ANK1: variants seen among roughly 807,000 people sequenced by gnomAD.
ANK1 encodes the protein ankyrin-1.
In ANK1, 51 loss-of-function variants were observed where a neutral mutation model predicts 210.4. The ratio of observed to expected loss-of-function variants is 0.24; its 90% CI spans 0.19 to 0.31. ANK1 has a LOEUF of 0.31. Among genes scored for constraint, ANK1 ranks in the 10% least tolerant of loss-of-function variants. The pLI is 1.00. For synonymous variants in ANK1, 967 were observed against 1,025.9 expected (o/e 0.94, Z 1.10); for missense variants, 2,051 against 2,504.4 (o/e 0.82, Z 3.86).
intron 16 of ANK1, among the ~76,000 whole-genome samples, chr8:41,712,017 C>A (rs760907078): frequency 5.9e-5 from 9 of 152,034 alleles, no homozygotes; most frequent in African/African-American, 1.9e-4. Flanking sequence ...CTCTGCCTCC[C>A]GGGTTCAAGC....
At chr8:41,833,377 G>C (rs1230776112) in intron 1 of ANK1, among the ~76,000 whole-genome samples, 1 of 152,216 alleles carries the variant, frequency 6.6e-6, no homozygotes, top group African/African-American at 2.4e-5. Flanking sequence ...GTGCAATGTA[G>C]GGAAGGGGGT....
intron 1 of ANK1, among the ~76,000 whole-genome samples, chr8:41,808,784 ACAGTT>A (rs1851355402): frequency 6.6e-6 from 1 of 152,154 alleles, no homozygotes; most frequent in Non-Finnish European, 1.5e-5. Context: ...TTTAAACGTT[ACAGTT>A]AAGATTTTGT....
At chr8:41,865,173 C>T (rs898647006) in intron 1 of ANK1, among the ~76,000 whole-genome samples, 1 of 152,164 alleles carries the variant, frequency 6.6e-6, no homozygotes, top group Non-Finnish European at 1.5e-5. Context: ...ACTGACTCAC[C>T]CATCTCGCGA....
At chr8:41,789,652 A>G (rs1847203775) in intron 1 of ANK1, among the ~76,000 whole-genome samples, 1 of 152,182 alleles carries the variant, frequency 6.6e-6, no homozygotes, top group Non-Finnish European at 1.5e-5. Flanking sequence ...TCTAAATAAC[A>G]GTTTCAGCAC....
At position 41,796,329 on chromosome 8, in the gene ANK1, T is replaced by C. The variant is rs542724559; in HGVS notation, c.27+1183A>G. On this transcript the variant is annotated intron_variant, in intron 1 of 42. Coordinates refer to ENST00000289734, the MANE Select transcript of ANK1 (RefSeq NM_000037.4). The stretch of plus-strand genomic sequence containing the variant: ...CCTTATTCCTGCAAAACACTTGCGT[T>C]TGAGTCTGAAGACAGTTCACACATT... 2.0e-3 allele frequency among the ~76,000 whole-genome samples: 300 copies of C among 152,218 alleles called. 1 individual carries two copies. The highest frequency in any genetic ancestry group is 4.1e-3 in the Non-Finnish European group (282 of 68,020).
chr8:41,830,654 A>C (rs1243801786), intron 1 of ANK1, among the ~76,000 whole-genome samples: 1 of 152,194 alleles, frequency 6.6e-6, no homozygotes, highest in African/African-American at 2.4e-5. Context: ...GCTTTCGGGG[A>C]TAGGACCCAA....
chr8:41,863,314 G>A lies in ANK1; in HGVS notation c.126+33041C>T, dbSNP rs760645250. ...GCAGAGTTTGCAGTGAGCCGAGATC[G>A]CACCACTGCACTCTAGCCTGGGCAA... On this transcript the variant is annotated intron_variant, in intron 1 of 42. Coordinates refer to the ANK1 transcript ENST00000265709. Among the ~76,000 whole-genome samples the A allele has an allele frequency of 6.3e-4, 96 of 151,914 alleles. 1 individual carries two copies. Among genetic ancestry groups the A allele is most frequent in the Non-Finnish European group, 7.8e-4 (53 of 67,978 alleles).
intron 3 of ANK1, among the ~76,000 whole-genome samples, chr8:41,731,586 T>C (rs1350155845): frequency 6.6e-6 from 1 of 152,134 alleles, no homozygotes; most frequent in African/African-American, 2.4e-5. Flanking sequence ...TCTTCTTTTT[T>C]TTTTTTCATC....
intron 37 of ANK1, among the ~76,000 whole-genome samples, chr8:41,684,126 C>A (rs541559638): frequency 9.8e-5 from 15 of 152,338 alleles, no homozygotes; most frequent in South Asian, 6.2e-4. Flanking sequence ...CAACCACTGA[C>A]TGTTTTACAG....
At chr8:41,775,347 C>A (rs1843791993) in intron 1 of ANK1, among the ~76,000 whole-genome samples, 1 of 152,218 alleles carries the variant, frequency 6.6e-6, no homozygotes, top group Admixed American at 6.5e-5. Context: ...GCCAGAGAGA[C>A]CTGCCCAAGA....
At chr8:41,788,889 CTCTA>C (rs1177468043) in intron 1 of ANK1, 1 of 152,350 alleles carries the variant, frequency 6.6e-6, no homozygotes, top group Non-Finnish European at 1.5e-5. Flanking sequence ...ACCAGCTCCT[CTCTA>C]TCTCTTCATC....
intron 2 of ANK1, among the ~76,000 whole-genome samples, chr8:41,734,535 T>A (rs1832957784): frequency 6.6e-6 from 1 of 152,192 alleles, no homozygotes; most frequent in Non-Finnish European, 1.5e-5. Context: ...CAAGGTCATA[T>A]GAGAAATGAA....
chr8:41,718,284 C>G, intron 10 of ANK1, 80 bp from the exon 11 acceptor site: 1 of 1,411,728 alleles, frequency 7.1e-7, no homozygotes, highest in South Asian at 1.2e-5. Flanking sequence ...CACCTGGCTG[C>G]TCTAAAAGGC....
rs1438292673 is a variant in ANK1 at position 41,696,577 on chromosome 8, T to C, written c.2746A>G (p.Ser916Gly). 2 of 1,613,800 alleles carry C rather than the reference T, an allele frequency of 1.2e-6. No individual in the cohort carries two copies. Among genetic ancestry groups the C allele is most frequent in the Non-Finnish European group, 1.7e-6 (2 of 1,179,998 alleles). The change falls in exon 26 of 43, where the codon AGC (serine) becomes GGC (glycine). Residue 916 changes from serine to glycine, a missense_variant. Ser to Gly is a moderately conservative substitution (Grantham distance 56). Coordinates refer to ENST00000289734, the MANE Select transcript of ANK1 (RefSeq NM_000037.4). ...ASPVHTGFLVSFMVDARGGSM... is the reference protein window; with the variant it reads ...ASPVHTGFLVGFMVDARGGSM... ...CCACCCCGGGCGTCAACCATGAAGCTCACCAGAAACCTAGGAGTGGGGCAG... is the reference window on the plus strand; with the variant it reads ...CCACCCCGGGCGTCAACCATGAAGCCCACCAGAAACCTAGGAGTGGGGCAG...
At chr8:41,696,092 G>GT (rs1364530675) in intron 26 of ANK1, among the ~76,000 whole-genome samples, 1 of 152,196 alleles carries the variant, frequency 6.6e-6, no homozygotes, top group African/African-American at 2.4e-5. Flanking sequence ...GTCTTGCTAT[G>GT]TTTTCCAGGC....
rs1211014938 is a variant in ANK1, at chr8:41,792,924, G to C, written c.27+4588C>G. Reference sequence around the variant, plus strand: ...AACATTTAATGAGCATCTACCATGTGGCAGGCACTGTGCTAAGTGCCAAGG... The same window carrying C: ...AACATTTAATGAGCATCTACCATGTCGCAGGCACTGTGCTAAGTGCCAAGG... On this transcript the variant is annotated intron_variant, in intron 1 of 42. Coordinates refer to ENST00000289734, the MANE Select transcript of ANK1 (RefSeq NM_000037.4). Among the ~76,000 whole-genome samples, 10 of 152,314 alleles carry C rather than the reference G, an allele frequency of 6.6e-5. No individual in the cohort carries two copies. In the East Asian group the frequency reaches 1.9e-3, roughly 29 times the overall value.
Position 41,718,128 on chromosome 8 carries a change from G to A in ANK1, c.1184C>T (p.Ala395Val). The A allele has an allele frequency of 6.2e-7, 1 of 1,613,932 alleles. No homozygotes were observed. The highest frequency in any genetic ancestry group is 8.5e-7 in the Non-Finnish European group (1 of 1,179,996). The change falls in exon 11 of 43, where the codon GCC becomes GTC. Residue 395 changes from alanine (A) to valine (V), a missense_variant. Around this residue, in one of 6 missense-constraint regions of ANK1, gnomAD observed 1,413 missense variants for 1,707.4 expected, o/e 0.83. Coordinates refer to ENST00000289734, the MANE Select transcript of ANK1 (RefSeq NM_000037.4). ...RVMELLLKTG[A>V]SIDAVTESGL... Reference sequence around the variant, plus strand: ...TACCTCGGTGACCGCGTCGATCGAGGCTCCCGTCTTCAGCAGCAGCTCCAT... The same window carrying A: ...TACCTCGGTGACCGCGTCGATCGAGACTCCCGTCTTCAGCAGCAGCTCCAT...
Position 41,723,647 on chromosome 8 carries a change from G to A in ANK1, c.712-14C>T. On this transcript the variant is annotated splice_polypyrimidine_tract_variant and intron_variant, in intron 7 of 42. Transcript: ENST00000289734. Reference sequence around the variant, plus strand: ...CGTGATGCCGTTCTGAAGGGAGGAAGCAGGACGGTCAGGGCGCGTCATCCT... The same window carrying A: ...CGTGATGCCGTTCTGAAGGGAGGAAACAGGACGGTCAGGGCGCGTCATCCT... 5 of 1,610,510 alleles carry A rather than the reference G, an allele frequency of 3.1e-6. No homozygotes were observed. The highest frequency in any genetic ancestry group is 4.2e-6 in the Non-Finnish European group (5 of 1,179,342).
intron 1 of ANK1, among the ~76,000 whole-genome samples, chr8:41,787,423 C>T (rs918269596): frequency 6.6e-5 from 10 of 152,160 alleles, no homozygotes; most frequent in Non-Finnish European, 1.5e-4. Flanking sequence ...GGCTCTCTGA[C>T]CTATATTTAA....
Sources: gnomAD v4.1 joint callset for allele counts (sites outside exome capture counted in the v4.1 genomes callset) on GRCh38, gnomAD v4.1.1 for gene constraint, gnomAD v4.1.1 regional missense constraint, MANE v1.5 for transcripts, NCBI Gene and HGNC (gene_info 2026-07-23, HGNC 2026-07-21) for gene names.